SLC35D4: variants seen among roughly 807,000 people sequenced by gnomAD.
The protein encoded by SLC35D4 is solute carrier family 35 member D4.
the SLC35D4 span, among the ~76,000 whole-genome samples, chr18:23,279,819 TCA>T: frequency 6.6e-5 from 10 of 152,026 alleles, no homozygotes; most frequent in African/African-American, 2.4e-4. Flanking sequence ...ATTTAATATC[TCA>T]CACACACACA....
chr18:23,283,962 C>T, the SLC35D4 span, among the ~76,000 whole-genome samples: 2 of 152,188 alleles, frequency 1.3e-5, no homozygotes, highest in African/African-American at 4.8e-5. Context: ...AAGAGATGGG[C>T]AATTCCCCCA....
the SLC35D4 span, among the ~76,000 whole-genome samples, chr18:23,348,890 AT>A: frequency 6.6e-6 from 1 of 152,208 alleles, no homozygotes; most frequent in African/African-American, 2.4e-5. Context: ...GTTTTTATTC[AT>A]CTAGGAATGT....
chr18:23,378,478 A>T, the SLC35D4 span, among the ~76,000 whole-genome samples: 1 of 152,218 alleles, frequency 6.6e-6, no homozygotes. Context: ...CCATCCCGAG[A>T]GACAAGGGAA....
the SLC35D4 span, among the ~76,000 whole-genome samples, chr18:23,425,567 T>G: frequency 6.6e-6 from 1 of 152,226 alleles, no homozygotes; most frequent in Non-Finnish European, 1.5e-5. Context: ...AACATTTATA[T>G]TAGTGTGGCT....
the SLC35D4 span, among the ~76,000 whole-genome samples, chr18:23,241,245 G>A: frequency 2.0e-5 from 3 of 151,918 alleles, no homozygotes; most frequent in East Asian, 1.9e-4. Context: ...AGTGGGCCAC[G>A]TGCAGTGGAT....
At chr18:23,355,636 A>T in the SLC35D4 span, among the ~76,000 whole-genome samples, 1 of 150,354 alleles carries the variant, frequency 6.7e-6, no homozygotes, top group Admixed American at 6.7e-5. Context: ...GGAGCAGGAC[A>T]TACCCACTAG....
the SLC35D4 span, among the ~76,000 whole-genome samples, chr18:23,377,159 C>G: frequency 6.6e-6 from 1 of 152,148 alleles, no homozygotes; most frequent in Non-Finnish European, 1.5e-5. Flanking sequence ...GACAGGACGG[C>G]CCAGTTTACG....
chr18:23,400,888 T>C, the SLC35D4 span, among the ~76,000 whole-genome samples: 1 of 152,186 alleles, frequency 6.6e-6, no homozygotes, highest in Non-Finnish European at 1.5e-5. Context: ...GTTTCCAGTC[T>C]AGCAAGGGCC....
At chr18:23,361,451 G>A in the SLC35D4 span, among the ~76,000 whole-genome samples, 19 of 152,198 alleles carry the variant, frequency 1.2e-4, no homozygotes, top group African/African-American at 4.1e-4. Flanking sequence ...CCCTGTAAGA[G>A]TAGTCCTGCT....
At chr18:23,375,716 C>A in the SLC35D4 span, among the ~76,000 whole-genome samples, 3 of 152,176 alleles carry the variant, frequency 2.0e-5, no homozygotes. Context: ...GGACTTCATT[C>A]ATTACATTAT....
At chr18:23,334,907 G>A in the SLC35D4 span, among the ~76,000 whole-genome samples, 1 of 152,144 alleles carries the variant, frequency 6.6e-6, no homozygotes, top group African/African-American at 2.4e-5. Context: ...TCAGCAGGCA[G>A]AGGCAGGAGA....
chr18:23,417,267 T>C, the SLC35D4 span, among the ~76,000 whole-genome samples: 2 of 150,898 alleles, frequency 1.3e-5, no homozygotes. Flanking sequence ...TTAATAAAAG[T>C]ATGGAGAATT....
the SLC35D4 span, among the ~76,000 whole-genome samples, chr18:23,245,935 T>G: frequency 6.6e-6 from 1 of 152,210 alleles, no homozygotes; most frequent in South Asian, 2.1e-4. Context: ...GAGCCCTTCA[T>G]CTGGTGAATC....
the SLC35D4 span, chr18:23,254,075 TTCC>T: frequency 4.3e-6 from 3 of 694,774 alleles, no homozygotes; most frequent in South Asian, 5.4e-5. Context: ...TATGAAGTCT[TTCC>T]CATAGTGGGA....
At chr18:23,385,324 G>A in the SLC35D4 span, among the ~76,000 whole-genome samples, 5 of 152,280 alleles carry the variant, frequency 3.3e-5, no homozygotes, top group East Asian at 5.8e-4. Context: ...CACTGCATCC[G>A]GTACAGAGAA....
At chr18:23,411,489 GA>G in the SLC35D4 span, among the ~76,000 whole-genome samples, 3 of 110,744 alleles carry the variant, frequency 2.7e-5, no homozygotes, top group Admixed American at 2.9e-4. Flanking sequence ...GAGATAGAAA[GA>G]AAGAAAGAAA....
the SLC35D4 span, among the ~76,000 whole-genome samples, chr18:23,276,811 C>T: frequency 6.6e-6 from 1 of 152,188 alleles, no homozygotes; most frequent in Admixed American, 6.5e-5. Context: ...CTCCCCTTGC[C>T]AGGAGTGGTA....
chr18:23,357,471 C>T, the SLC35D4 span, among the ~76,000 whole-genome samples: 1 of 152,168 alleles, frequency 6.6e-6, no homozygotes, highest in Non-Finnish European at 1.5e-5. Context: ...TAAGCATTTC[C>T]ACAGCAGATA....
At chr18:23,256,302 G>A in the SLC35D4 span, among the ~76,000 whole-genome samples, 7 of 152,140 alleles carry the variant, frequency 4.6e-5, no homozygotes, top group East Asian at 1.9e-4. Flanking sequence ...GGGTGGGCAC[G>A]CAAGATGCCA....
Sources: allele counts gnomAD v4.1 joint callset (sites outside exome capture counted in the v4.1 genomes callset), GRCh38; gene constraint gnomAD v4.1.1; transcripts MANE v1.5; gene names NCBI Gene and HGNC (gene_info 2026-07-23, HGNC 2026-07-21).